The following ITIH5 variants were observed in gnomAD, a reference collection of about 807,000 sequenced individuals.
ITIH5 encodes inter-alpha-trypsin inhibitor heavy chain 5.
A neutral mutation model predicts 77.5 loss-of-function variants in ITIH5; 65 were observed. The ratio of observed to expected loss-of-function variants is 0.84; its 90% CI spans 0.69 to 1.03. The LOEUF (loss-of-function observed/expected upper bound fraction) is 1.03, where lower values mean the gene tolerates loss of function less well. Among genes scored for constraint, ITIH5 ranks in the 50% least tolerant of loss-of-function variants. ITIH5 has a pLI of 0.00. For missense variants in ITIH5, 1,208 were observed against 1,213.1 expected, an observed-to-expected ratio of 1.00 and a Z score of 0.06; for synonymous variants, 525 against 494.3, an observed-to-expected ratio of 1.06 and a Z score of -0.82.
chr10:7,631,449 C>T (rs1043813251), intron 5 of ITIH5, among the ~76,000 whole-genome samples: 1 of 152,174 alleles, frequency 6.6e-6, no homozygotes, highest in African/African-American at 2.4e-5. Context: ...ACTCAAGTAC[C>T]TTTAAGAAGC....
intron 8 of ITIH5, among the ~76,000 whole-genome samples, chr10:7,585,236 G>A (rs964759411): frequency 4.6e-5 from 7 of 152,204 alleles, no homozygotes; most frequent in Admixed American, 1.3e-4. Flanking sequence ...AGAGTAAGGC[G>A]CAGGTCCTGA....
chr10:7,645,476 A>G (rs1181162916), intron 2 of ITIH5, among the ~76,000 whole-genome samples: 1 of 152,032 alleles, frequency 6.6e-6, no homozygotes, highest in Non-Finnish European at 1.5e-5. Context: ...AGTTTAACAA[A>G]CCCTTCAGGT....
Position 7,562,918 on chromosome 10 carries a change from T to C in ITIH5, c.*165A>G. The C allele has an allele frequency of 3.4e-5, 15 of 437,008 alleles. No individual in the cohort carries two copies. Among genetic ancestry groups the C allele is most frequent in the East Asian group, 5.7e-5 (1 of 17,568 alleles). The allele number at this position is 437,008 out of a possible 1,614,324, so 27.1% of individuals were successfully genotyped here. ...CAGGCTTCCCGCCCCTACCCACCCC[T>C]ACCCTTCGCCCAGACAGACGTCGGA... is the stretch of plus-strand genomic sequence containing the variant. On this transcript the variant is annotated 3_prime_UTR_variant, in exon 14 of 14. Transcript: ENST00000397146.
At chr10:7,596,516 T>C (rs1832900709) in intron 7 of ITIH5, among the ~76,000 whole-genome samples, 2 of 152,102 alleles carry the variant, frequency 1.3e-5, no homozygotes, top group Admixed American at 1.3e-4. Context: ...CCCTAGGTTT[T>C]TGAGCATAAG....
At chr10:7,614,128 CAGACAA>C (rs1833315534) in intron 7 of ITIH5, among the ~76,000 whole-genome samples, 1 of 152,166 alleles carries the variant, frequency 6.6e-6, no homozygotes, top group Non-Finnish European at 1.5e-5. Context: ...AAATCATTTT[CAGACAA>C]AGACAGAGAA....
intron 2 of ITIH5, among the ~76,000 whole-genome samples, chr10:7,654,445 G>C (rs1834148487): frequency 6.6e-6 from 1 of 152,214 alleles, no homozygotes; most frequent in Non-Finnish European, 1.5e-5. Context: ...CAGAAGACAG[G>C]TTCCCCCTTC....
intron 5 of ITIH5, among the ~76,000 whole-genome samples, chr10:7,629,054 T>C (rs1219918265): frequency 2.1e-5 from 3 of 141,268 alleles, no homozygotes; most frequent in Non-Finnish European, 4.8e-5. Context: ...CGTGTGTCCA[T>C]GTTGTAGCGT....
intron 1 of ITIH5, among the ~76,000 whole-genome samples, chr10:7,664,434 A>G (rs1834329158): frequency 6.6e-6 from 1 of 150,982 alleles, no homozygotes; most frequent in African/African-American, 2.4e-5. Flanking sequence ...TGTTCCATGG[A>G]CCACCTGCAT....
Position 7,568,693 on chromosome 10 carries a change from G to A in ITIH5, c.2149+975C>T, listed in dbSNP as rs560771582. ...CTCAGCAGTGAGGAAGTGCCGGGGTGCCCACTCCAAAGCTTGTCCTCACAG... is the reference window on the plus strand; with the variant it reads ...CTCAGCAGTGAGGAAGTGCCGGGGTACCCACTCCAAAGCTTGTCCTCACAG... On this transcript the variant is annotated intron_variant, in intron 12 of 13. Coordinates refer to ENST00000397146, the MANE Select transcript of ITIH5 (RefSeq NM_030569.7). Among the ~76,000 whole-genome samples the A allele has an allele frequency of 1.6e-3, 241 of 152,268 alleles. 1 individual carries two copies. The highest frequency in any genetic ancestry group is 6.8e-3 in the Middle Eastern group (2 of 294).
chr10:7,614,271 C>T (rs999903144), intron 7 of ITIH5, among the ~76,000 whole-genome samples: 2 of 152,110 alleles, frequency 1.3e-5, no homozygotes, highest in African/African-American at 2.4e-5. Flanking sequence ...GCGCTCTGGA[C>T]GAGCACGTGA....
rs1048072253 is a variant in ITIH5, at chr10:7,651,901, A to T, written c.135+3730T>A. On this transcript the variant is annotated intron_variant, in intron 2 of 13. Transcript: ENST00000397146. ...TATGCTGCTGCCCCTGCCTCCAGGG[A>T]TCTGTGAGTATGAAATTCCTCCTTC... Among the ~76,000 whole-genome samples the T allele has an allele frequency of 2.6e-5, 4 of 152,060 alleles. No homozygotes were observed. In the East Asian group the frequency reaches 5.8e-4, roughly 22 times the overall value.
chr10:7,590,936 CACCAG>C (rs1832781292), intron 7 of ITIH5, among the ~76,000 whole-genome samples: 1 of 152,212 alleles, frequency 6.6e-6, no homozygotes. Context: ...CTTGCTCTGT[CACCAG>C]GCTGGAGTGC....
intron 11 of ITIH5, among the ~76,000 whole-genome samples, chr10:7,571,127 G>C (rs896334207): frequency 2.0e-5 from 3 of 152,112 alleles, no homozygotes; most frequent in African/African-American, 7.2e-5. Context: ...GCTCTCCCTG[G>C]GAAGTGCCTC....
At chr10:7,637,533 G>C in intron 4 of ITIH5, 55 bp from the exon 5 acceptor site, 1 of 1,567,682 alleles carries the variant, frequency 6.4e-7, no homozygotes, top group South Asian at 1.2e-5. Flanking sequence ...ATAGAGCCAG[G>C]TTCCCTCAGT....
chr10:7,641,524 T>G (rs1356629278), intron 3 of ITIH5, among the ~76,000 whole-genome samples: 1 of 150,846 alleles, frequency 6.6e-6, no homozygotes, highest in East Asian at 2.0e-4. Context: ...GGTCATTCAT[T>G]TGTTGAAGGG....
At chr10:7,644,680 A>C (rs867935633) in intron 2 of ITIH5, among the ~76,000 whole-genome samples, 2 of 117,102 alleles carry the variant, frequency 1.7e-5, no homozygotes, top group East Asian at 2.1e-4. Context: ...TATCACATAT[A>C]TATCATATAT....
At chr10:7,602,717 TATA>T (rs773692939) in intron 7 of ITIH5, among the ~76,000 whole-genome samples, 9 of 152,196 alleles carry the variant, frequency 5.9e-5, no homozygotes, top group Non-Finnish European at 1.2e-4. Context: ...AACAAACTCA[TATA>T]ATATTTCTCT....
intron 1 of ITIH5, among the ~76,000 whole-genome samples, chr10:7,664,939 A>G (rs1834337975): frequency 6.6e-6 from 1 of 152,230 alleles, no homozygotes; most frequent in South Asian, 2.1e-4. Context: ...AACGTTAAGT[A>G]ACTCCTCAGT....
At chr10:7,603,303 G>T (rs975790630) in intron 7 of ITIH5, among the ~76,000 whole-genome samples, 2 of 152,152 alleles carry the variant, frequency 1.3e-5, no homozygotes, top group African/African-American at 4.8e-5. Context: ...ACAAAAGGCC[G>T]CACACTGTGT....
Sources: allele counts gnomAD v4.1 joint callset (sites outside exome capture counted in the v4.1 genomes callset), GRCh38; gene constraint gnomAD v4.1.1; transcripts MANE v1.5; gene names NCBI Gene and HGNC (gene_info 2026-07-23, HGNC 2026-07-21).